LZTFL1: variants seen among roughly 807,000 people sequenced by gnomAD.
The protein encoded by LZTFL1 is leucine zipper transcription factor-like protein 1.
A neutral mutation model predicts 45.9 loss-of-function variants in LZTFL1; 25 were observed. That is an observed-to-expected ratio of 0.54 (90% CI 0.40 to 0.76). LZTFL1 has a LOEUF of 0.76. Ranked by LOEUF, LZTFL1 falls within the 30% of genes least tolerant of loss-of-function variation. LZTFL1 has a pLI of 0.00. For missense variants in LZTFL1, 277 were observed against 331.1 expected (o/e 0.84, Z 1.27); for synonymous variants, 93 against 117.4 (o/e 0.79, Z 1.35).
At position 45,831,094 on chromosome 3, in the gene LZTFL1, C is replaced by T. The variant is rs1381381988; in HGVS notation, c.501G>A (p.Arg167=). Residue 167 remains arginine (R), a synonymous_variant, in exon 6 of 10, where the codon AGG becomes AGA. Transcript: ENST00000296135. ...LQEENEKLKS[R]LKTIEIQATN... ...TTACCTGTATTTCAATGGTCTTCAA[C>T]CTTGACTTCAATTTCTCATTCTCTT... The T allele has an allele frequency of 1.2e-6, 2 of 1,605,128 alleles. No individual in the cohort carries two copies. Among genetic ancestry groups the T allele is most frequent in the Admixed American group, 1.7e-5 (1 of 58,324 alleles).
At chr3:45,896,960 C>G (rs1278303187) in intron 2 of LZTFL1, among the ~76,000 whole-genome samples, 1 of 152,208 alleles carries the variant, frequency 6.6e-6, no homozygotes, top group African/African-American at 2.4e-5. Context: ...GAAGGAGGCC[C>G]TGGAAAGCTC....
At chr3:45,889,521 A>G (rs574645277) in intron 2 of LZTFL1, among the ~76,000 whole-genome samples, 15 of 151,894 alleles carry the variant, frequency 9.9e-5, no homozygotes, top group Non-Finnish European at 2.1e-4. Flanking sequence ...AGTTATTTTT[A>G]TGACAGCTCT....
intron 6 of LZTFL1, 21 bp from the exon 7 acceptor site, chr3:45,831,011 A>C: frequency 6.2e-7 from 1 of 1,611,422 alleles, no homozygotes; most frequent in Non-Finnish European, 8.5e-7. Flanking sequence ...GTTTAAACAA[A>C]ACACTTTCAG....
intron 2 of LZTFL1, among the ~76,000 whole-genome samples, chr3:45,891,221 C>T (rs143010575): frequency 1.3e-5 from 2 of 152,334 alleles, no homozygotes; most frequent in African/African-American, 4.8e-5. Flanking sequence ...TGGGGCTACT[C>T]ATTTTTATTT....
intron 2 of LZTFL1, chr3:45,894,800 TCAGAAGAA>T: frequency 1.3e-6 from 1 of 791,760 alleles, no homozygotes; most frequent in Admixed American, 1.9e-5. Context: ...AATATTTTTT[TCAGAAGAA>T]TAAGCAGATT....
In LZTFL1 at chr3:45,900,115, T is replaced by C. The variant is rs895070601; in HGVS notation, c.-215+13005A>G. Among the ~76,000 whole-genome samples the C allele has an allele frequency of 1.3e-5, 2 of 152,190 alleles. No homozygotes were observed. Among genetic ancestry groups the C allele is most frequent in the Non-Finnish European group, 2.9e-5 (2 of 68,040 alleles). On this transcript the variant is annotated intron_variant, in intron 2 of 4. Transcript: ENST00000472635. The surrounding 1 kb of genome is among the most constrained non-coding windows in gnomAD (Gnocchi z 4.7). ...TGGCTGTGCAACCCACACAGTCACA[T>C]AGGGGCCCTGTGCTTAGAAGTGCTG...
At chr3:45,857,613 G>A (rs1701414585) in intron 3 of LZTFL1, among the ~76,000 whole-genome samples, 1 of 152,124 alleles carries the variant, frequency 6.6e-6, no homozygotes, top group African/African-American at 2.4e-5. Context: ...TGACAAAATT[G>A]CCTAATAGAC....
intron 5 of LZTFL1, among the ~76,000 whole-genome samples, chr3:45,831,596 C>T (rs1019904529): frequency 4.6e-5 from 7 of 152,204 alleles, no homozygotes; most frequent in Middle Eastern, 3.2e-3. Context: ...TCTTATACAG[C>T]TCAAACATTT....
intron 2 of LZTFL1, chr3:45,897,543 C>T (rs1702396621): frequency 1.3e-6 from 2 of 1,514,780 alleles, no homozygotes; most frequent in African/African-American, 2.8e-5. Context: ...CACAATTTCT[C>T]CCATTCTGCT....
At chr3:45,829,946 T>A (rs534325104) in intron 7 of LZTFL1, among the ~76,000 whole-genome samples, 1 of 152,352 alleles carries the variant, frequency 6.6e-6, no homozygotes, top group South Asian at 2.1e-4. Context: ...ATTTTAAAAA[T>A]ATCTACAGAT....
intron 2 of LZTFL1, among the ~76,000 whole-genome samples, chr3:45,869,844 A>T (rs1307666669): frequency 6.6e-6 from 1 of 152,278 alleles, no homozygotes; most frequent in African/African-American, 2.4e-5. Flanking sequence ...AGATGATGTC[A>T]TCATCAATCC....
At chr3:45,891,622 G>A (rs1248092417) in intron 2 of LZTFL1, among the ~76,000 whole-genome samples, 1 of 152,126 alleles carries the variant, frequency 6.6e-6, no homozygotes, top group African/African-American at 2.4e-5. Flanking sequence ...TAATCCGGAT[G>A]CAGCACTATC....
chr3:45,890,281 T>TAA (rs1559421405), intron 2 of LZTFL1, among the ~76,000 whole-genome samples: 8 of 64,416 alleles, frequency 1.2e-4, no homozygotes, highest in East Asian at 4.5e-4. Context: ...CATATATATA[T>TAA]ATTTATATAA....
chr3:45,870,197 A>G (rs1453839123), intron 2 of LZTFL1, among the ~76,000 whole-genome samples: 1 of 152,212 alleles, frequency 6.6e-6, no homozygotes, highest in Non-Finnish European at 1.5e-5. Context: ...GCATGCAGAA[A>G]GCTATGTGGT....
chr3:45,874,348 A>C (rs1575281965), intron 2 of LZTFL1, among the ~76,000 whole-genome samples: 1 of 152,290 alleles, frequency 6.6e-6, no homozygotes, highest in Non-Finnish European at 1.5e-5. Flanking sequence ...TCTCCCGTGT[A>C]CTTGCTGCTA....
Position 45,913,121 on chromosome 3 carries a change from A to G in LZTFL1, c.-216T>C, listed in dbSNP as rs140589938. 1.5e-3 allele frequency: 2,248 copies of G among 1,536,088 alleles called. 3 individuals carry two copies. The highest frequency in any genetic ancestry group is 1.8e-3 in the Non-Finnish European group (2,037 of 1,146,848). On this transcript the variant is annotated splice_region_variant and 5_prime_UTR_variant, in exon 2 of 5. Transcript: ENST00000472635. The stretch of plus-strand genomic sequence containing the variant: ...GTTCTGTAAATGGTTCAGACTTACC[A>G]TCTTCCCTGGGTCTTGGTTCCTCAT...
At position 45,826,978 on chromosome 3, in the gene LZTFL1, C is replaced by T. The variant is rs911007641; in HGVS notation, c.881+378G>A. ...TGAATCTCATTCTCTCCAACTTAAA[C>T]TGTCATTTAGGGGAACAGTAAGACC... is the stretch of plus-strand genomic sequence containing the variant. On this transcript the variant is annotated intron_variant, in intron 9 of 9. Transcript: ENST00000296135. The T allele has an allele frequency of 3.8e-5, 7 of 185,356 alleles. No individual in the cohort carries two copies. In the South Asian group the frequency reaches 8.9e-4, roughly 24 times the overall value. The allele number at this position is 185,356 out of a possible 1,614,324, so 11.5% of individuals were successfully genotyped here.
intron 2 of LZTFL1, among the ~76,000 whole-genome samples, chr3:45,898,363 C>T (rs183962249): frequency 1.5e-3 from 226 of 152,314 alleles, no homozygotes; most frequent in Admixed American, 4.6e-3. Context: ...TCTGTCCTCT[C>T]GAGAGACTGG....
chr3:45,879,407 C>T (rs1279916413), intron 2 of LZTFL1, among the ~76,000 whole-genome samples: 1 of 152,160 alleles, frequency 6.6e-6, no homozygotes, highest in Non-Finnish European at 1.5e-5. Flanking sequence ...AGAAGCCCAT[C>T]TGAAAAGGCT....
Sources: allele counts gnomAD v4.1 joint callset (sites outside exome capture counted in the v4.1 genomes callset), GRCh38; gene constraint gnomAD v4.1.1; non-coding constraint Gnocchi (gnomAD v3.1); transcripts MANE v1.5; gene names NCBI Gene and HGNC (gene_info 2026-07-23, HGNC 2026-07-21).